Variants in AR observed in about 807,000 individuals in gnomAD.
The protein encoded by AR is dihydrotestosterone receptor.
Under a neutral mutation model 53.9 loss-of-function variants are expected in AR, and 8 were observed. The ratio of observed to expected loss-of-function variants is 0.15; its 90% CI spans 0.09 to 0.27. The LOEUF (loss-of-function observed/expected upper bound fraction) is 0.27, where lower values mean the gene tolerates loss of function less well. AR is among the 10% of genes least tolerant of loss of function. AR has a pLI of 1.00. For synonymous variants in AR, 359 were observed against 316.4 expected, an observed-to-expected ratio of 1.13 and a Z score of -1.43; for missense variants, 639 against 742.5, an observed-to-expected ratio of 0.86 and a Z score of 1.62.
At chrX:67,680,569 C>T in intron 2 of AR, among the ~76,000 whole-genome samples, 1 of 111,832 alleles carries the variant, frequency 8.9e-6, no homozygotes, top group East Asian at 2.8e-4. Flanking sequence ...TGCATTAACA[C>T]CATATATATA....
At chrX:67,691,392 T>C (rs1393097675) in intron 3 of AR, among the ~76,000 whole-genome samples, 1 of 112,117 alleles carries the variant, frequency 8.9e-6, no homozygotes, top group Non-Finnish European at 1.9e-5. Flanking sequence ...AAATATGATT[T>C]CTATTGTCAA....
At chrX:67,692,661 T>C (rs977119663) in intron 3 of AR, among the ~76,000 whole-genome samples, 7 of 111,727 alleles carry the variant, frequency 6.3e-5, no homozygotes, top group Non-Finnish European at 1.1e-4. Flanking sequence ...AATAATAAAA[T>C]CTTTTTTACG....
chrX:67,707,487 G>T (rs2076073747), intron 3 of AR, among the ~76,000 whole-genome samples: 2 of 111,289 alleles, frequency 1.8e-5, no homozygotes, highest in Non-Finnish European at 3.8e-5. Context: ...TTTTCCATTT[G>T]CTTGGTAGAT....
chrX:67,568,765 C>G (rs773824361), intron 1 of AR: 1 of 999,713 alleles, frequency 1.0e-6, no homozygotes, highest in Admixed American at 4.0e-5. Flanking sequence ...GCCGTCCCTC[C>G]TCTTCCCAAC....
Position 67,723,999 on chromosome X carries a change from C to T in AR, c.*158C>T, listed in dbSNP as rs2076148257. ...ATGTTCCTGAATTCTATTTGCTGGG[C>T]TTTTTTTTTCTCTTTCTCTCCTTTC... On this transcript the variant is annotated 3_prime_UTR_variant, in exon 8 of 8. Transcript: ENST00000374690. 6 of 695,776 alleles carry T rather than the reference C, an allele frequency of 8.6e-6. No individual in the cohort carries two copies. In the East Asian group the frequency reaches 1.7e-4, roughly 20 times the overall value. The allele number at this position is 695,776 out of a possible 1,213,427, so 57.3% of individuals were successfully genotyped here. A position where few individuals can be genotyped will look rare whatever the true frequency, so the allele number is the denominator to read the frequency against.
intron 2 of AR, among the ~76,000 whole-genome samples, chrX:67,669,384 T>G (rs1927428073): frequency 8.9e-6 from 1 of 111,834 alleles, no homozygotes; most frequent in Admixed American, 9.6e-5. Context: ...TCTAGTTTTA[T>G]TCCATTGTGG....
intron 1 of AR, among the ~76,000 whole-genome samples, chrX:67,636,657 G>C (rs1162270651): frequency 8.9e-6 from 1 of 111,860 alleles, no homozygotes; most frequent in Non-Finnish European, 1.9e-5. Context: ...TAGGATATAA[G>C]CCTGAGAGAG....
chrX:67,658,864 C>G (rs1926718766), intron 2 of AR, among the ~76,000 whole-genome samples: 1 of 111,864 alleles, frequency 8.9e-6, no homozygotes, highest in South Asian at 3.7e-4. Context: ...AGAATTTTAA[C>G]TGCTGATGTG....
At chrX:67,636,631 T>C (rs1286513171) in intron 1 of AR, among the ~76,000 whole-genome samples, 4 of 112,136 alleles carry the variant, frequency 3.6e-5, no homozygotes, top group African/African-American at 9.7e-5. Context: ...CTAGTACATA[T>C]GTGACCAACT....
At chrX:67,683,478 T>A (rs2075948104) in intron 2 of AR, among the ~76,000 whole-genome samples, 1 of 112,038 alleles carries the variant, frequency 8.9e-6, no homozygotes, top group Non-Finnish European at 1.9e-5. Flanking sequence ...AAGATTTTAA[T>A]GACTTTCCAG....
intron 2 of AR, among the ~76,000 whole-genome samples, chrX:67,662,212 G>C (rs189222708): frequency 3.6e-5 from 4 of 111,410 alleles, no homozygotes; most frequent in African/African-American, 1.3e-4. Context: ...TCTGATCTTA[G>C]TTATTTCTTG....
At chrX:67,676,607 T>C (rs2075901645) in intron 2 of AR, among the ~76,000 whole-genome samples, 1 of 111,710 alleles carries the variant, frequency 9.0e-6, no homozygotes, top group Non-Finnish European at 1.9e-5. Context: ...GCAGGGTTTA[T>C]GGCAAAAGTA....
Position 67,711,708 on chromosome X carries a change from G to C in AR, c.2173+19G>C. ...TTGCCTGGTAAGGAAAAGGGAAGTG[G>C]GAGCATGAGATAAGGGGGATCATAT... On this transcript the variant is annotated intron_variant, in intron 4 of 7. Transcript: ENST00000374690. 1 of 1,194,227 alleles carries C rather than the reference G, an allele frequency of 8.4e-7. No homozygotes were observed. Among genetic ancestry groups the C allele is most frequent in the Non-Finnish European group, 1.1e-6 (1 of 886,302 alleles).
At position 67,727,831 on chromosome X, in the gene AR, A is replaced by G. The variant is rs755695184; in HGVS notation, c.*3990A>G. ...GTGGTTTTCATGTTTGACCCACTAC[A>G]AGGGGTCATGGGAATCAGGAATGCC... On this transcript the variant is annotated 3_prime_UTR_variant, in exon 8 of 8. Coordinates refer to ENST00000374690, the MANE Select transcript of AR (RefSeq NM_000044.6). 25 of 173,095 alleles carry G rather than the reference A, an allele frequency of 1.4e-4. No individual in the cohort carries two copies. The East Asian group carries it at 2.0e-3, about 14-fold the overall frequency. The allele number at this position is 173,095 out of a possible 1,213,427, so 14.3% of individuals were successfully genotyped here.
intron 1 of AR, among the ~76,000 whole-genome samples, chrX:67,552,210 C>A (rs906616955): frequency 1.4e-4 from 16 of 111,820 alleles, no homozygotes; most frequent in African/African-American, 4.5e-4. Context: ...CCTTAGCAAC[C>A]AATAATCTAC....
intron 6 of AR, 48 bp downstream of exon 6, chrX:67,722,011 C>G (rs773009984): frequency 4.2e-6 from 5 of 1,193,676 alleles, no homozygotes; most frequent in Non-Finnish European, 5.7e-6. Context: ...CACAGAGATT[C>G]AGAGAGGACC....
chrX:67,558,717 T>C (rs762025805), intron 1 of AR, among the ~76,000 whole-genome samples: 2 of 112,291 alleles, frequency 1.8e-5, no homozygotes, highest in Non-Finnish European at 3.8e-5. Flanking sequence ...GAGGTTGATC[T>C]CCGACTGCTA....
intron 3 of AR, chrX:67,696,106 G>A: frequency 8.1e-6 from 6 of 743,187 alleles, no homozygotes; most frequent in Non-Finnish European, 9.5e-6. Context: ...AACAGACTGA[G>A]AGAATTAATG....
At chrX:67,642,395 C>T (rs1925827292) in intron 1 of AR, among the ~76,000 whole-genome samples, 1 of 111,557 alleles carries the variant, frequency 9.0e-6, no homozygotes, top group South Asian at 3.7e-4. Flanking sequence ...GCTTTCTGGC[C>T]CTTCTCCTTC....
Sources: gnomAD v4.1 joint callset for allele counts (sites outside exome capture counted in the v4.1 genomes callset) on GRCh38, gnomAD v4.1.1 for gene constraint, MANE v1.5 for transcripts, NCBI Gene and HGNC (gene_info 2026-07-23, HGNC 2026-07-21) for gene names.